The following TXK variants were observed in gnomAD, a reference collection of about 807,000 sequenced individuals.
TXK encodes the protein TXK tyrosine kinase, also known as tyrosine-protein kinase TXK.
TXK carries 60 observed loss-of-function variants against 81.0 expected under a neutral mutation model. The ratio of observed to expected loss-of-function variants is 0.74; its 90% CI spans 0.60 to 0.92. The LOEUF is 0.92. Among genes scored for constraint, TXK ranks in the 40% least tolerant of loss-of-function variants. The probability of loss-of-function intolerance (pLI) is 0.00; values close to 1 mark genes in which losing one functional copy is unlikely to be tolerated. For synonymous variants in TXK, 203 were observed against 210.7 expected, an observed-to-expected ratio of 0.96 and a Z score of 0.32; for missense variants, 581 against 638.3, an observed-to-expected ratio of 0.91 and a Z score of 0.97.
At chr4:48,116,046 C>T (rs942718986) in intron 1 of TXK, among the ~76,000 whole-genome samples, 4 of 152,164 alleles carry the variant, frequency 2.6e-5, no homozygotes, top group African/African-American at 9.7e-5. Flanking sequence ...CTGACTACAT[C>T]TTGGATAAGT....
intron 6 of TXK, among the ~76,000 whole-genome samples, chr4:48,096,839 T>C (rs1718000816): frequency 6.6e-6 from 1 of 152,228 alleles, no homozygotes. Flanking sequence ...TTTTAAATTC[T>C]CTTTCATATA....
At chr4:48,082,994 C>T (rs1717369751) in intron 10 of TXK, among the ~76,000 whole-genome samples, 1 of 152,188 alleles carries the variant, frequency 6.6e-6, no homozygotes, top group Non-Finnish European at 1.5e-5. Context: ...TTGTGTGTGA[C>T]CTGATCTTCC....
In TXK at chr4:48,082,386, C is replaced by A. The variant is rs535438681; in HGVS notation, c.957-2258G>T. Among the ~76,000 whole-genome samples, 4 of 152,268 alleles carry A rather than the reference C, an allele frequency of 2.6e-5. No homozygotes were observed. The South Asian group carries it at 8.3e-4, about 32-fold the overall frequency. The stretch of plus-strand genomic sequence containing the variant: ...CATTTACAATCTATTTTCCCTGAAA[C>A]CTTCTACCTGGAAGTTTCATCTGCA... On this transcript the variant is annotated intron_variant, in intron 10 of 14. Transcript: ENST00000264316.
intron 10 of TXK, among the ~76,000 whole-genome samples, chr4:48,080,664 A>T (rs73244482): frequency 3.8e-3 from 206 of 54,020 alleles, no homozygotes; most frequent in Admixed American, 0.013. Context: ...TTTGGTAATC[A>T]CACACACACA....
intron 9 of TXK, among the ~76,000 whole-genome samples, chr4:48,089,045 C>CA (rs201776797): frequency 4.7e-5 from 7 of 150,376 alleles, no homozygotes; most frequent in African/African-American, 9.7e-5. Context: ...CTATTAGAAA[C>CA]AAAAAAAAAG....
chr4:48,131,439 C>CT (rs1719245587), intron 1 of TXK, among the ~76,000 whole-genome samples: 1 of 135,468 alleles, frequency 7.4e-6, no homozygotes, highest in African/African-American at 2.5e-5. Flanking sequence ...CTTCGCTGGA[C>CT]TTTTTTTGTT....
At chr4:48,120,207 G>A (rs1378003244) in intron 1 of TXK, among the ~76,000 whole-genome samples, 5 of 91,654 alleles carry the variant, frequency 5.5e-5, no homozygotes, top group Non-Finnish European at 9.1e-5. Context: ...ACATATATAC[G>A]TATATATGTA....
Position 48,104,884 on chromosome 4 carries a change from C to A in TXK, c.501+17G>T, listed in dbSNP as rs1256263440. ...TTCTCAGAGATTTTGAAAATGTCCA[C>A]AAATACATTGAATTACCTCTTGTCT... is the stretch of plus-strand genomic sequence containing the variant. On this transcript the variant is annotated intron_variant, in intron 6 of 14. Coordinates refer to ENST00000264316, the MANE Select transcript of TXK (RefSeq NM_003328.3). 6.3e-7 allele frequency: 1 copy of A among 1,581,608 alleles called. No homozygotes were observed. Among genetic ancestry groups the A allele is most frequent in the South Asian group, 1.2e-5 (1 of 84,584 alleles).
chr4:48,108,023 A>G (rs1301525897), intron 5 of TXK, among the ~76,000 whole-genome samples: 1 of 152,024 alleles, frequency 6.6e-6, no homozygotes, highest in African/African-American at 2.4e-5. Flanking sequence ...GTGAGCCGAG[A>G]TCACGACACT....
chr4:48,105,555 T>C (rs1718426232), intron 5 of TXK, among the ~76,000 whole-genome samples: 1 of 151,646 alleles, frequency 6.6e-6, no homozygotes, highest in African/African-American at 2.4e-5. Flanking sequence ...GGGGTGAGAG[T>C]TGGAAAATGA....
In TXK at chr4:48,112,294, G is replaced by A. The variant is rs372607390; in HGVS notation, c.380+13C>T. ...AAGAATTGGATACTGACTAAGTCAT[G>A]TAAGTGTCTTACCCCAAACGGTCTC... On this transcript the variant is annotated intron_variant, in intron 4 of 14. Coordinates refer to ENST00000264316, the MANE Select transcript of TXK (RefSeq NM_003328.3). 16 of 1,611,954 alleles carry A rather than the reference G, an allele frequency of 9.9e-6. No homozygotes were observed. Among genetic ancestry groups the A allele is most frequent in the Non-Finnish European group, 1.3e-5 (15 of 1,178,112 alleles).
At chr4:48,117,854 T>C (rs973504755) in intron 1 of TXK, among the ~76,000 whole-genome samples, 2 of 152,266 alleles carry the variant, frequency 1.3e-5, no homozygotes, top group South Asian at 4.1e-4. Context: ...GCCATTCTTC[T>C]GTTTTATCAA....
chr4:48,122,753 T>C (rs1718991228), intron 1 of TXK, among the ~76,000 whole-genome samples: 2 of 152,234 alleles, frequency 1.3e-5, no homozygotes, highest in Non-Finnish European at 1.5e-5. Context: ...AATTATAAGC[T>C]TGCTCAGAGG....
At chr4:48,126,904 T>C (rs1560363997) in intron 1 of TXK, among the ~76,000 whole-genome samples, 3 of 152,200 alleles carry the variant, frequency 2.0e-5, no homozygotes, top group South Asian at 2.1e-4. Context: ...TCACAACACA[T>C]GGCCACACCT....
At chr4:48,100,171 C>CAAAAAAAA (rs11341305) in intron 6 of TXK, among the ~76,000 whole-genome samples, 6 of 53,934 alleles carry the variant, frequency 1.1e-4, no homozygotes, top group Admixed American at 2.9e-4. Flanking sequence ...GACTCCATCT[C>CAAAAAAAA]AAAAAAAAAA....
intron 5 of TXK, among the ~76,000 whole-genome samples, chr4:48,108,710 G>C (rs1718538957): frequency 6.6e-6 from 1 of 152,102 alleles, no homozygotes; most frequent in African/African-American, 2.4e-5. Context: ...TTTTAAAAAG[G>C]ATGATTTTTT....
intron 14 of TXK, among the ~76,000 whole-genome samples, chr4:48,071,304 T>G (rs1472536772): frequency 1.3e-5 from 2 of 152,216 alleles, no homozygotes; most frequent in Non-Finnish European, 2.9e-5. Context: ...GAAAATGCAC[T>G]GAATTCCTCA....
rs556471929 is a variant in TXK, at chr4:48,106,513, AT to A, written c.447-1559del. 5.9e-5 allele frequency among the ~76,000 whole-genome samples: 9 copies of A among 151,428 alleles called. No individual in the cohort carries two copies. The South Asian group carries it at 1.3e-3, about 21-fold the overall frequency. ...AGTTAGGGACAGGAATCCTATGAAC[AT>A]TTTTTTTTAAATCCAGCACGTCCAG... On this transcript the variant is annotated intron_variant, in intron 5 of 14. Coordinates refer to ENST00000264316, the MANE Select transcript of TXK (RefSeq NM_003328.3).
intron 10 of TXK, among the ~76,000 whole-genome samples, chr4:48,080,576 A>G (rs1467005111): frequency 6.6e-6 from 1 of 151,768 alleles, no homozygotes; most frequent in Non-Finnish European, 1.5e-5. Context: ...ATTCTAAAGC[A>G]TGAAGTTCTT....
Sources: gnomAD v4.1 joint callset for allele counts (sites outside exome capture counted in the v4.1 genomes callset) on GRCh38, gnomAD v4.1.1 for gene constraint, MANE v1.5 for transcripts, NCBI Gene and HGNC (gene_info 2026-07-23, HGNC 2026-07-21) for gene names.